Variants in AKAP7 observed in about 807,000 individuals in gnomAD.
AKAP7 encodes A kinase (PRKA) anchor protein 7.
A neutral mutation model predicts 39.5 loss-of-function variants in AKAP7; 39 were observed. That is an observed-to-expected ratio of 0.99 (90% confidence interval 0.76 to 1.29). The LOEUF (loss-of-function observed/expected upper bound fraction) is 1.29. Among genes scored for constraint, AKAP7 ranks in the 50% most tolerant of loss-of-function variants. The pLI, the probability that AKAP7 is intolerant of heterozygous loss-of-function variation, is 0.00. For missense variants in AKAP7, 414 were observed against 407.7 expected, an observed-to-expected ratio of 1.02 and a Z score of -0.13; for synonymous variants, 140 against 139.1, an observed-to-expected ratio of 1.01 and a Z score of -0.05.
At chr6:131,176,667 T>C (rs1804614460) in intron 5 of AKAP7, among the ~76,000 whole-genome samples, 2 of 152,190 alleles carry the variant, frequency 1.3e-5, no homozygotes, top group Non-Finnish European at 2.9e-5. Flanking sequence ...ACATTATGCT[T>C]TCTTTCATTT....
chr6:131,204,610 C>G (rs1807915471), intron 6 of AKAP7, among the ~76,000 whole-genome samples: 1 of 152,138 alleles, frequency 6.6e-6, no homozygotes, highest in African/African-American at 2.4e-5. Flanking sequence ...GTATATCCCC[C>G]TTGACATGCT....
At chr6:131,195,199 T>C (rs1169732485) in intron 5 of AKAP7, among the ~76,000 whole-genome samples, 1 of 152,168 alleles carries the variant, frequency 6.6e-6, no homozygotes, top group Non-Finnish European at 1.5e-5. Context: ...TGTGTATCAA[T>C]TGTATATTTT....
At chr6:131,136,058 C>G (rs976571740) in intron 1 of AKAP7, among the ~76,000 whole-genome samples, 1 of 152,230 alleles carries the variant, frequency 6.6e-6, no homozygotes, top group Non-Finnish European at 1.5e-5. Context: ...TTCTTTCTCC[C>G]TTTCTCATCC....
intron 3 of AKAP7, chr6:131,164,332 T>C: frequency 2.2e-6 from 1 of 454,428 alleles, no homozygotes; most frequent in South Asian, 1.6e-5. Flanking sequence ...CATTTAGAAG[T>C]TGACTAGAAT....
rs575736580 is a variant in AKAP7, at chr6:131,184,706, C to T, written c.590-14755C>T. On this transcript the variant is annotated intron_variant, in intron 5 of 7. Coordinates refer to ENST00000431975, the MANE Select transcript of AKAP7 (RefSeq NM_016377.4). ...CAGTAGTTGTTGGGCAAGGCAAATC[C>T]ATCAGGACCCTTTTTGGATTTCTGT... The T allele has an allele frequency of 1.5e-5, 12 of 815,812 alleles. No homozygotes were observed. The South Asian group carries it at 1.5e-4, about 10-fold the overall frequency. 50.5% of individuals were successfully genotyped at this position (815,812 alleles called of 1,614,324 possible).
intron 1 of AKAP7, chr6:131,137,341 T>C (rs1441459530): frequency 6.6e-6 from 1 of 152,062 alleles, no homozygotes; most frequent in Non-Finnish European, 1.5e-5. Flanking sequence ...GAAACCTGCA[T>C]TTTGTGTGAC....
chr6:131,206,247 A>G (rs1808086488), intron 6 of AKAP7, among the ~76,000 whole-genome samples: 1 of 152,224 alleles, frequency 6.6e-6, no homozygotes, highest in Admixed American at 6.5e-5. Context: ...GACTCTTTCA[A>G]ATTACTACTG....
intron 4 of AKAP7, among the ~76,000 whole-genome samples, chr6:131,165,505 C>G (rs1009813232): frequency 1.3e-5 from 2 of 152,152 alleles, no homozygotes; most frequent in South Asian, 4.1e-4. Context: ...ATTCTAGATA[C>G]ATATTCTGGA....
chr6:131,221,144 T>C (rs1435847168), intron 7 of AKAP7, among the ~76,000 whole-genome samples: 1 of 152,258 alleles, frequency 6.6e-6, no homozygotes, highest in Non-Finnish European at 1.5e-5. Flanking sequence ...TTAAAAGTGC[T>C]ATTCCAGTGA....
chr6:131,225,888 A>T (rs11755717), intron 7 of AKAP7, among the ~76,000 whole-genome samples: 53,015 of 152,068 alleles, frequency 0.35, 9,659 homozygotes, highest in Middle Eastern at 0.41. Flanking sequence ...TTACTGTGTG[A>T]CTCAGAAATC....
At chr6:131,207,490 A>ATTTTTTT (rs1562213736) in intron 6 of AKAP7, among the ~76,000 whole-genome samples, 1 of 80,892 alleles carries the variant, frequency 1.2e-5, no homozygotes, top group Non-Finnish European at 2.7e-5. Flanking sequence ...GGCTAATTAA[A>ATTTTTTT]ATTTTTTTTT....
intron 2 of AKAP7, among the ~76,000 whole-genome samples, chr6:131,150,827 G>GGA (rs1390734247): frequency 1.3e-5 from 2 of 152,034 alleles, no homozygotes; most frequent in African/African-American, 4.8e-5. Flanking sequence ...CAGGATTGTT[G>GGA]GAAAGATTCA....
rs1815321353 is a variant in AKAP7 at position 131,283,052 on chromosome 6, T to C, written c.*1326T>C. The C allele has an allele frequency of 2.6e-5, 4 of 154,174 alleles. No individual in the cohort carries two copies. The highest frequency in any genetic ancestry group is 2.0e-4 in the South Asian group (1 of 4,884). The allele number at this position is 154,174 out of a possible 1,614,324, so 9.6% of individuals were successfully genotyped here. A position where few individuals can be genotyped will look rare whatever the true frequency, so the allele number is the denominator to read the frequency against. On this transcript the variant is annotated 3_prime_UTR_variant, in exon 8 of 8. Transcript: ENST00000431975. ...GTGTTACTTTTAATGAGAATTTGAA[T>C]GTTTATTGAACAATAGTACTTGAAT...
chr6:131,174,253 G>T (rs1364286297), intron 5 of AKAP7, among the ~76,000 whole-genome samples: 1 of 152,066 alleles, frequency 6.6e-6, no homozygotes, highest in East Asian at 1.9e-4. Context: ...CTAAATATTT[G>T]AATATACATG....
chr6:131,172,041 A>G (rs915144443), intron 5 of AKAP7, among the ~76,000 whole-genome samples: 2 of 152,190 alleles, frequency 1.3e-5, no homozygotes, highest in African/African-American at 4.8e-5. Flanking sequence ...TGGTTCATAG[A>G]GAGTATGAAG....
intron 7 of AKAP7, among the ~76,000 whole-genome samples, chr6:131,230,673 A>G (rs1810553664): frequency 1.3e-5 from 2 of 152,284 alleles, no homozygotes; most frequent in Middle Eastern, 6.8e-3. Flanking sequence ...CAATGTTGAG[A>G]AGGATATTTC....
intron 5 of AKAP7, among the ~76,000 whole-genome samples, chr6:131,179,881 AAAT>A (rs928894505): frequency 6.6e-6 from 1 of 151,532 alleles, no homozygotes; most frequent in African/African-American, 2.4e-5. Flanking sequence ...ATAAATAAAT[AAAT>A]AAATAAATAA....
At chr6:131,158,266 C>G (rs961915903) in intron 2 of AKAP7, among the ~76,000 whole-genome samples, 1 of 152,128 alleles carries the variant, frequency 6.6e-6, no homozygotes, top group African/African-American at 2.4e-5. Context: ...TCAGTTAAAG[C>G]AGGGTTGCAT....
At chr6:131,147,229 A>AT (rs1239690448) in intron 2 of AKAP7, among the ~76,000 whole-genome samples, 6 of 152,168 alleles carry the variant, frequency 3.9e-5, no homozygotes, top group African/African-American at 1.4e-4. Flanking sequence ...TTGTTTAAAA[A>AT]TTTTTTTAAA....
Sources: allele counts gnomAD v4.1 joint callset (sites outside exome capture counted in the v4.1 genomes callset), GRCh38; gene constraint gnomAD v4.1.1; transcripts MANE v1.5; gene names NCBI Gene and HGNC (gene_info 2026-07-23, HGNC 2026-07-21).